The following SPACA7 variants were observed in gnomAD, a reference collection of about 807,000 sequenced individuals.
SPACA7 encodes sperm acrosome associated 7.
SPACA7 carries 19 observed loss-of-function variants against 26.3 expected under a neutral mutation model. The observed-to-expected ratio is 0.72, with a 90% CI of 0.50 to 1.06. The LOEUF (loss-of-function observed/expected upper bound fraction) is 1.06, where lower values mean the gene tolerates loss of function less well. Among genes scored for constraint, SPACA7 ranks in the 50% least tolerant of loss-of-function variants. SPACA7 has a pLI of 0.00. For synonymous variants in SPACA7, 84 were observed against 84.5 expected, an observed-to-expected ratio of 0.99 and a Z score of 0.04; for missense variants, 211 against 229.9, an observed-to-expected ratio of 0.92 and a Z score of 0.53.
intron 5 of SPACA7, among the ~76,000 whole-genome samples, chr13:112,416,769 C>T (rs1310519556): frequency 6.6e-6 from 1 of 151,718 alleles, no homozygotes; most frequent in East Asian, 1.9e-4. Context: ...TCCAGTCTCA[C>T]CTATGTTTCA....
intron 5 of SPACA7, among the ~76,000 whole-genome samples, chr13:112,415,371 G>A (rs1011049347): frequency 2.6e-5 from 4 of 152,308 alleles, no homozygotes; most frequent in Admixed American, 6.5e-5. Flanking sequence ...CGAGGCTCAC[G>A]GTCACTTTAG....
intron 1 of SPACA7, among the ~76,000 whole-genome samples, chr13:112,382,850 A>G (rs1884168950): frequency 6.6e-6 from 1 of 151,854 alleles, no homozygotes; most frequent in African/African-American, 2.4e-5. Context: ...TTAGCCAGGC[A>G]TGGTGGCAGG....
chr13:112,401,150 G>T lies in SPACA7; in HGVS notation c.431G>T (p.Ser144Ile). The change falls in exon 5 of 7, where the codon AGT becomes ATT. Residue 144 changes from serine to isoleucine, a missense_variant. By Grantham distance (142) the Ser-to-Ile change is moderately radical. Transcript: ENST00000283550. ...GPQVSPGSEKSVSSKEKNSKN... is the reference protein window; with the variant it reads ...GPQVSPGSEKIVSSKEKNSKN... ...CAGGTGTCTCCTGGCAGTGAGAAGAGTGTTTCCAGTAAAGGTAAATGTGCC... is the reference window on the plus strand; with the variant it reads ...CAGGTGTCTCCTGGCAGTGAGAAGATTGTTTCCAGTAAAGGTAAATGTGCC... 1 of 1,613,882 alleles carries T rather than the reference G, an allele frequency of 6.2e-7. No individual in the cohort carries two copies. The highest frequency in any genetic ancestry group is 8.5e-7 in the Non-Finnish European group (1 of 1,179,810).
intron 1 of SPACA7, among the ~76,000 whole-genome samples, chr13:112,382,786 G>A (rs183912614): frequency 5.3e-5 from 8 of 151,994 alleles, no homozygotes; most frequent in South Asian, 2.1e-4. Flanking sequence ...TCAGGAGTTC[G>A]AGACCAGCCT....
chr13:112,411,575 ATCTC>A (rs1886353494), intron 5 of SPACA7, among the ~76,000 whole-genome samples: 1 of 151,898 alleles, frequency 6.6e-6, no homozygotes, highest in Non-Finnish European at 1.5e-5. Flanking sequence ...CCATTAACCA[ATCTC>A]TCTCTATTTC....
At chr13:112,430,168 C>CTG (rs1471577074) in intron 5 of SPACA7, among the ~76,000 whole-genome samples, 165 of 115,952 alleles carry the variant, frequency 1.4e-3, no homozygotes, top group South Asian at 9.2e-3. Context: ...CCTTGCATCT[C>CTG]TCTCTCTGTG....
At chr13:112,397,372 G>A (rs1211442761) in intron 2 of SPACA7, among the ~76,000 whole-genome samples, 1 of 152,156 alleles carries the variant, frequency 6.6e-6, no homozygotes, top group Non-Finnish European at 1.5e-5. Context: ...GGTGACTCTC[G>A]GTTGCCACAA....
At chr13:112,390,652 G>A (rs1884828212) in intron 1 of SPACA7, among the ~76,000 whole-genome samples, 2 of 152,216 alleles carry the variant, frequency 1.3e-5, no homozygotes, top group Non-Finnish European at 2.9e-5. Context: ...GGAGAAGCAA[G>A]TACATCTTAC....
chr13:112,434,569 C>T lies in SPACA7; in HGVS notation c.*20C>T. On this transcript the variant is annotated 3_prime_UTR_variant, in exon 7 of 7. Transcript: ENST00000283550. ...CAGTGAGGCCGCAGCCCCAGACCCC[C>T]TGCGCAGGAGAGGAGCCTGCTAGAA... 3 of 1,589,936 alleles carry T rather than the reference C, an allele frequency of 1.9e-6. No homozygotes were observed. Among genetic ancestry groups the T allele is most frequent in the Non-Finnish European group, 2.6e-6 (3 of 1,168,494 alleles).
chr13:112,432,372 T>A, intron 5 of SPACA7, 72 bp from the exon 6 acceptor site: 1 of 1,295,812 alleles, frequency 7.7e-7, no homozygotes, highest in Non-Finnish European at 1.1e-6. Context: ...CTCCCTGAAG[T>A]TAAAGGAAAA....
intron 2 of SPACA7, among the ~76,000 whole-genome samples, chr13:112,393,442 T>G (rs1885026626): frequency 6.6e-6 from 1 of 151,282 alleles, no homozygotes; most frequent in South Asian, 2.1e-4. Flanking sequence ...TTCAACCTGA[T>G]GCCACCGATT....
At chr13:112,377,482 A>G (rs1281366172) in intron 1 of SPACA7, among the ~76,000 whole-genome samples, 1 of 152,204 alleles carries the variant, frequency 6.6e-6, no homozygotes, top group Non-Finnish European at 1.5e-5. Flanking sequence ...TATTGTGTAT[A>G]TTGTGTTCGG....
chr13:112,430,172 C>CTGTGTGTGTGTG (rs1254393630), intron 5 of SPACA7, among the ~76,000 whole-genome samples: 5,444 of 122,378 alleles, frequency 0.044, 176 homozygotes, highest in African/African-American at 0.099. Flanking sequence ...GCATCTCTCT[C>CTGTGTGTGTGTG]TCTGTGTGTG....
At position 112,434,584 on chromosome 13, in the gene SPACA7, GC is replaced by G. The variant is rs1372496469; in HGVS notation, c.*37del. ...CCCAGACCCCCTGCGCAGGAGAGGA[GC>G]CTGCTAGAACCCCCACCCACCAGCC... On this transcript the variant is annotated 3_prime_UTR_variant, in exon 7 of 7. Coordinates refer to ENST00000283550, the MANE Select transcript of SPACA7 (RefSeq NM_145248.5). 1 of 1,557,034 alleles carries G rather than the reference GC, an allele frequency of 6.4e-7. No homozygotes were observed. The highest frequency in any genetic ancestry group is 8.7e-7 in the Non-Finnish European group (1 of 1,145,444).
At chr13:112,434,392 C>A in intron 6 of SPACA7, 93 bp from the exon 7 acceptor site, 1 of 1,065,396 alleles carries the variant, frequency 9.4e-7, no homozygotes, top group Non-Finnish European at 1.4e-6. Context: ...GGGCTTGGTT[C>A]CTCCTGTCCC....
Position 112,401,117 on chromosome 13 carries a change from G to A in SPACA7, c.398G>A (p.Arg133His), listed in dbSNP as rs150944356. Residue 133 changes from arginine (R) to histidine (H), a missense_variant, in exon 5 of 7, where the codon CGT becomes CAT. Physicochemically the swap from Arg to His is conservative, Grantham distance 29. Transcript: ENST00000283550. ...CATGGCGATCCTTCTGAGAATTATC[G>A]TGGGCCACAGGTGTCTCCTGGCAGT... ...NLHGDPSENYRGPQVSPGSEK... is the reference protein window; with the variant it reads ...NLHGDPSENYHGPQVSPGSEK... 4.5e-5 allele frequency: 72 copies of A among 1,613,994 alleles called. No individual in the cohort carries two copies. Among genetic ancestry groups the A allele is most frequent in the Middle Eastern group, 1.6e-4 (1 of 6,084 alleles).
intron 1 of SPACA7, among the ~76,000 whole-genome samples, chr13:112,387,358 G>GACCA (rs2138889053): frequency 6.6e-6 from 1 of 152,302 alleles, no homozygotes; most frequent in South Asian, 2.1e-4. Flanking sequence ...GTTTGTAACT[G>GACCA]ACCAGCCTGC....
At chr13:112,404,879 A>T (rs1184900592) in intron 5 of SPACA7, among the ~76,000 whole-genome samples, 3 of 151,528 alleles carry the variant, frequency 2.0e-5, no homozygotes, top group Non-Finnish European at 4.4e-5. Flanking sequence ...CTTCTTGCTT[A>T]GTCTTGCTTT....
chr13:112,412,180 AT>A (rs1260297497), intron 5 of SPACA7, among the ~76,000 whole-genome samples: 1 of 152,086 alleles, frequency 6.6e-6, no homozygotes, highest in Non-Finnish European at 1.5e-5. Flanking sequence ...TGTGGTTTTG[AT>A]TTGCATTTCC....
Sources: gnomAD v4.1 joint callset for allele counts (sites outside exome capture counted in the v4.1 genomes callset) on GRCh38, gnomAD v4.1.1 for gene constraint, MANE v1.5 for transcripts, NCBI Gene and HGNC (gene_info 2026-07-23, HGNC 2026-07-21) for gene names.